RPS6KA2: variants seen among roughly 807,000 people sequenced by gnomAD.
The protein encoded by RPS6KA2 is ribosomal protein S6 kinase alpha-2.
A neutral mutation model predicts 91.8 loss-of-function variants in RPS6KA2; 42 were observed. That is an observed-to-expected ratio of 0.46 (90% CI 0.36 to 0.59). The LOEUF is 0.59. RPS6KA2 is among the 20% of genes least tolerant of loss of function. The probability of loss-of-function intolerance (pLI) is 0.00; values close to 1 mark genes in which losing one functional copy is unlikely to be tolerated. For synonymous variants in RPS6KA2, 414 were observed against 393.6 expected, an observed-to-expected ratio of 1.05 and a Z score of -0.61; for missense variants, 798 against 978.5, an observed-to-expected ratio of 0.82 and a Z score of 2.46.
chr6:166,589,893 C>T (rs3778385), intron 1 of RPS6KA2, among the ~76,000 whole-genome samples: 53,313 of 151,970 alleles, frequency 0.35, 9,687 homozygotes, highest in East Asian at 0.54. Context: ...GGGATCTTAC[C>T]GGGAGACAAG....
chr6:166,497,251 G>C (rs1781819724), intron 8 of RPS6KA2, among the ~76,000 whole-genome samples: 1 of 152,196 alleles, frequency 6.6e-6, no homozygotes, highest in South Asian at 2.1e-4. Context: ...CATCCTCTTG[G>C]CTGAGCTCGC....
At chr6:166,488,723 C>T (rs3765235) in intron 10 of RPS6KA2, 110 bp downstream of exon 10, 215,246 of 758,626 alleles carry the variant, frequency 0.28, 33,008 homozygotes, top group East Asian at 0.48. Flanking sequence ...TTTTCAGTGA[C>T]CTTGGTTGGC....
At position 166,662,052 on chromosome 6, in the gene RPS6KA2, C is replaced by T. The variant is rs1374914838; in HGVS notation, c.124-123268G>A. 6.6e-6 allele frequency among the ~76,000 whole-genome samples: 1 copy of T among 152,136 alleles called. No homozygotes were observed. Among genetic ancestry groups the T allele is most frequent in the African/African-American group, 2.4e-5 (1 of 41,428 alleles). On this transcript the variant is annotated intron_variant, in intron 2 of 21. Coordinates refer to the RPS6KA2 transcript ENST00000503859. The surrounding 1 kb of genome is among the most constrained non-coding windows in gnomAD (Gnocchi z 4.3). Reference sequence around the variant, plus strand: ...GACTAGTGAGAATCCCTGCTTTGTTCCTGATTTAATGGGACAGTATTAAGT... The same window carrying T: ...GACTAGTGAGAATCCCTGCTTTGTTTCTGATTTAATGGGACAGTATTAAGT...
rs1778455593 is a variant in RPS6KA2 at position 166,770,964 on chromosome 6, TAC to T, written c.123+87234_123+87235del. ...ATTCCTTTAAGTCACAGGACGTATT[TAC>T]AGTCAGCAACTTCATTAGCAAGGGC... On this transcript the variant is annotated intron_variant, in intron 2 of 21. Coordinates refer to the RPS6KA2 transcript ENST00000503859. The surrounding 1 kb of genome is among the most constrained non-coding windows in gnomAD (Gnocchi z 5.1). 3.2e-6 allele frequency: 5 copies of T among 1,548,942 alleles called. No homozygotes were observed. The South Asian group carries it at 5.8e-5, about 18-fold the overall frequency.
At chr6:166,638,177 G>A (rs976955609) in intron 2 of RPS6KA2, among the ~76,000 whole-genome samples, 7 of 152,262 alleles carry the variant, frequency 4.6e-5, no homozygotes, top group African/African-American at 1.7e-4. Context: ...CTGCATTAGA[G>A]CCAGGCTTCA....
intron 3 of RPS6KA2, among the ~76,000 whole-genome samples, chr6:166,511,727 A>G (rs1345227924): frequency 6.6e-6 from 1 of 152,214 alleles, no homozygotes; most frequent in Non-Finnish European, 1.5e-5. Context: ...GACTTGTGAT[A>G]CATACTGCTA....
intron 2 of RPS6KA2, among the ~76,000 whole-genome samples, chr6:166,784,645 G>GTGCACACCTATGCAT (rs1562438272): frequency 0.13 from 673 of 5,204 alleles, 307 homozygotes; most frequent in Non-Finnish European, 0.2. Flanking sequence ...CACCTATGCA[G>GTGCACACCTATGCAT]AACCACATAT....
intron 2 of RPS6KA2, chr6:166,702,584 G>T: frequency 6.8e-7 from 1 of 1,480,114 alleles, no homozygotes; most frequent in Non-Finnish European, 9.5e-7. Flanking sequence ...GGGATATTTC[G>T]TATCTGAAGT....
intron 3 of RPS6KA2, among the ~76,000 whole-genome samples, chr6:166,513,005 T>G (rs1406193604): frequency 6.6e-6 from 1 of 152,230 alleles, no homozygotes; most frequent in African/African-American, 2.4e-5. Context: ...TCCAATCTTT[T>G]GACTTCCTGG....
rs1786859227 is a variant in RPS6KA2 at position 166,626,024 on chromosome 6, A to G, written c.99+897T>C. The stretch of plus-strand genomic sequence containing the variant: ...GCTGAAACAAACCAACCAAAACCCC[A>G]CAGGTGCCAGCCTTGAGGCAAAGGC... On this transcript the variant is annotated intron_variant, in intron 1 of 20. Coordinates refer to ENST00000265678, the MANE Select transcript of RPS6KA2 (RefSeq NM_021135.6). This position sits in a 1 kb window ranked among gnomAD's most constrained non-coding sequence, Gnocchi z 4.1. Among the ~76,000 whole-genome samples, 1 of 152,196 alleles carries G rather than the reference A, an allele frequency of 6.6e-6. No homozygotes were observed. Among genetic ancestry groups the G allele is most frequent in the South Asian group, 2.1e-4 (1 of 4,824 alleles).
intron 2 of RPS6KA2, among the ~76,000 whole-genome samples, chr6:166,695,035 A>G (rs1280232183): frequency 6.6e-6 from 1 of 152,236 alleles, no homozygotes; most frequent in East Asian, 1.9e-4. Flanking sequence ...GAGAGATGCT[A>G]TCCTGGCCAC....
At chr6:166,758,818 C>T (rs1778092824) in intron 2 of RPS6KA2, among the ~76,000 whole-genome samples, 1 of 152,198 alleles carries the variant, frequency 6.6e-6, no homozygotes, top group Non-Finnish European at 1.5e-5. Context: ...TAGTGCATTG[C>T]TAAAAGACGG....
chr6:166,862,345 G>A (rs891825627), exon 1 of RPS6KA2: 2 of 1,451,652 alleles, frequency 1.4e-6, no homozygotes, highest in South Asian at 1.4e-5. Context: ...GGTCGTGAGC[G>A]CGGGGCCTGC....
intron 2 of RPS6KA2, among the ~76,000 whole-genome samples, chr6:166,760,639 C>T (rs1241732665): frequency 1.3e-5 from 2 of 152,194 alleles, no homozygotes; most frequent in African/African-American, 4.8e-5. Flanking sequence ...TTTCCTGCAC[C>T]ACATATTTTG....
At chr6:166,840,460 A>G (rs986446813) in intron 2 of RPS6KA2, among the ~76,000 whole-genome samples, 2 of 152,240 alleles carry the variant, frequency 1.3e-5, no homozygotes, top group East Asian at 3.8e-4. Flanking sequence ...AGGACTGGGC[A>G]AATGGTTTGG....
intron 1 of RPS6KA2, among the ~76,000 whole-genome samples, chr6:166,572,244 G>A (rs928614346): frequency 3.9e-5 from 6 of 152,118 alleles, no homozygotes; most frequent in Non-Finnish European, 7.4e-5. Context: ...TTCTCTAATT[G>A]GAATATCTGA....
At chr6:166,641,516 G>A (rs939310843) in intron 2 of RPS6KA2, among the ~76,000 whole-genome samples, 1 of 151,530 alleles carries the variant, frequency 6.6e-6, no homozygotes, top group African/African-American at 2.4e-5. Context: ...TTGAAGTCAG[G>A]AGTTCAAGAC....
chr6:166,597,547 T>C (rs981935564), intron 1 of RPS6KA2, among the ~76,000 whole-genome samples: 3 of 151,746 alleles, frequency 2.0e-5, no homozygotes, highest in African/African-American at 7.3e-5. Flanking sequence ...GGTAGGAGGA[T>C]TGGAATAAAG....
At chr6:166,527,805 G>A (rs768971614) in intron 3 of RPS6KA2, among the ~76,000 whole-genome samples, 12 of 152,190 alleles carry the variant, frequency 7.9e-5, no homozygotes, top group Non-Finnish European at 1.3e-4. Context: ...ATCTTAACCC[G>A]TGCGGCTTGG....
Sources: allele counts gnomAD v4.1 joint callset (sites outside exome capture counted in the v4.1 genomes callset), GRCh38; gene constraint gnomAD v4.1.1; non-coding constraint Gnocchi (gnomAD v3.1); transcripts MANE v1.5; gene names NCBI Gene and HGNC (gene_info 2026-07-23, HGNC 2026-07-21).